OLFM3: variants seen among roughly 807,000 people sequenced by gnomAD.
OLFM3 encodes noelin-3.
OLFM3 carries 20 observed loss-of-function variants against 48.6 expected under a neutral mutation model. That is an observed-to-expected ratio of 0.41 (90% CI 0.29 to 0.60). OLFM3 has a LOEUF of 0.60. Ranked by LOEUF, OLFM3 falls within the 20% of genes least tolerant of loss-of-function variation. OLFM3 has a pLI of 0.28. For synonymous variants in OLFM3, 222 were observed against 198.1 expected, an observed-to-expected ratio of 1.12 and a Z score of -1.01; for missense variants, 437 against 544.3, an observed-to-expected ratio of 0.80 and a Z score of 1.96.
intron 1 of OLFM3, among the ~76,000 whole-genome samples, chr1:101,883,830 A>G (rs1397614347): frequency 6.6e-6 from 1 of 152,018 alleles, no homozygotes; most frequent in Non-Finnish European, 1.5e-5. Context: ...CTTCAGAGTT[A>G]AATACATCCA....
chr1:101,978,763 C>T (rs368036078), intron 1 of OLFM3, among the ~76,000 whole-genome samples: 194 of 152,162 alleles, frequency 1.3e-3, no homozygotes, highest in African/African-American at 4.4e-3. Context: ...GTACTTTATG[C>T]GCTCCTTTCA....
At chr1:101,827,292 C>T (rs927570431) in intron 3 of OLFM3, among the ~76,000 whole-genome samples, 3 of 151,818 alleles carry the variant, frequency 2.0e-5, no homozygotes, top group Admixed American at 6.6e-5. Context: ...ATTCTTGATA[C>T]GATGGAAATT....
intron 1 of OLFM3, among the ~76,000 whole-genome samples, chr1:101,933,902 G>A (rs1201466381): frequency 6.6e-6 from 1 of 152,186 alleles, no homozygotes; most frequent in Non-Finnish European, 1.5e-5. Context: ...ATCCTTTTCA[G>A]ACAAGCAAAT....
intron 5 of OLFM3, among the ~76,000 whole-genome samples, chr1:101,805,307 G>T (rs1293038571): frequency 6.6e-6 from 1 of 151,478 alleles, no homozygotes; most frequent in Non-Finnish European, 1.5e-5. Flanking sequence ...TCTATCCCTT[G>T]CTCTGAAAAA....
chr1:101,877,796 G>A (rs1657360747), intron 1 of OLFM3, among the ~76,000 whole-genome samples: 2 of 151,466 alleles, frequency 1.3e-5, no homozygotes, highest in South Asian at 4.2e-4. Flanking sequence ...GGTCTTTAAT[G>A]AAGCATTTTT....
At chr1:101,934,862 A>T (rs1659562208) in intron 1 of OLFM3, among the ~76,000 whole-genome samples, 1 of 152,194 alleles carries the variant, frequency 6.6e-6, no homozygotes, top group South Asian at 2.1e-4. Context: ...ATATACCCGA[A>T]TGACTTTGGG....
intron 1 of OLFM3, among the ~76,000 whole-genome samples, chr1:101,884,483 C>T (rs568701819): frequency 6.6e-6 from 1 of 150,682 alleles, no homozygotes; most frequent in East Asian, 2.0e-4. Flanking sequence ...TTCTGAAAAA[C>T]AAAAACAAAA....
At chr1:101,911,182 G>A (rs570079185) in intron 1 of OLFM3, among the ~76,000 whole-genome samples, 1 of 152,168 alleles carries the variant, frequency 6.6e-6, no homozygotes, top group East Asian at 1.9e-4. Context: ...ATATCTGGTA[G>A]GGCAAAGGCA....
chr1:101,823,186 G>A (rs1168076194), intron 4 of OLFM3, among the ~76,000 whole-genome samples: 1 of 151,924 alleles, frequency 6.6e-6, no homozygotes, highest in Non-Finnish European at 1.5e-5. Context: ...CATTGTTCTT[G>A]TCCTCGGAAA....
At chr1:101,846,193 G>A (rs542907108) in intron 1 of OLFM3, among the ~76,000 whole-genome samples, 1 of 152,274 alleles carries the variant, frequency 6.6e-6, no homozygotes, top group African/African-American at 2.4e-5. Flanking sequence ...AATTTTAGAT[G>A]AATGAAGATT....
At chr1:101,877,579 A>C (rs564117460) in intron 1 of OLFM3, among the ~76,000 whole-genome samples, 9 of 152,044 alleles carry the variant, frequency 5.9e-5, no homozygotes, top group Admixed American at 3.3e-4. Context: ...ATGTTGCATA[A>C]GAATTTTGGA....
chr1:101,824,972 T>C, intron 4 of OLFM3, 54 bp downstream of exon 4: 1 of 1,470,858 alleles, frequency 6.8e-7, no homozygotes, highest in Admixed American at 1.7e-5. Context: ...GAGCACAATT[T>C]TCTTTGAAAC....
chr1:101,835,131 A>T (rs1038008477), intron 2 of OLFM3, among the ~76,000 whole-genome samples: 1 of 152,244 alleles, frequency 6.6e-6, no homozygotes, highest in South Asian at 2.1e-4. Context: ...ATAGAAAAAA[A>T]GATATTTCTG....
At chr1:101,853,122 G>T (rs563603499) in intron 1 of OLFM3, among the ~76,000 whole-genome samples, 1 of 151,968 alleles carries the variant, frequency 6.6e-6, no homozygotes, top group Non-Finnish European at 1.5e-5. Flanking sequence ...AAAATATTTA[G>T]CTTGCACTAT....
chr1:101,825,017 C>A lies in OLFM3; in HGVS notation c.592+9G>T. The stretch of plus-strand genomic sequence containing the variant: ...ACGTAACTTAGACAAATTAAATTGT[C>A]ATACTCACTTAGCTTTTTCATGCAG... On this transcript the variant is annotated intron_variant, in intron 4 of 5. Coordinates refer to ENST00000370103, the MANE Select transcript of OLFM3 (RefSeq NM_058170.4). 1.2e-6 allele frequency: 2 copies of A among 1,610,936 alleles called. No homozygotes were observed. The highest frequency in any genetic ancestry group is 2.2e-5 in the South Asian group (2 of 90,916).
chr1:101,817,270 AG>A (rs749844065), intron 4 of OLFM3, among the ~76,000 whole-genome samples: 2 of 152,172 alleles, frequency 1.3e-5, no homozygotes, highest in Non-Finnish European at 2.9e-5. Context: ...ATGGCAAAGA[AG>A]GAAGTTAGGA....
Position 101,856,604 on chromosome 1 carries a change from AT to A in OLFM3, c.70-19580del, listed in dbSNP as rs551337830. On this transcript the variant is annotated intron_variant, in intron 1 of 5. Coordinates refer to ENST00000370103, the MANE Select transcript of OLFM3 (RefSeq NM_058170.4). ...AGCTGATTTTTTTCTGCTACTTAAT[AT>A]TTTTTTGTTCTCTCCACATTTTCCA... Among the ~76,000 whole-genome samples, 15 of 152,012 alleles carry A rather than the reference AT, an allele frequency of 9.9e-5. No individual in the cohort carries two copies. In the East Asian group the frequency reaches 1.7e-3, roughly 18 times the overall value.
intron 1 of OLFM3, among the ~76,000 whole-genome samples, chr1:101,842,167 C>T (rs1156905934): frequency 6.6e-6 from 1 of 151,970 alleles, no homozygotes; most frequent in African/African-American, 2.4e-5. Context: ...TGAAGGAAAC[C>T]TCCAGGCTTT....
chr1:101,861,654 G>A (rs1656662394), intron 1 of OLFM3, among the ~76,000 whole-genome samples: 2 of 152,190 alleles, frequency 1.3e-5, no homozygotes, highest in Admixed American at 6.5e-5. Flanking sequence ...GCATGCCTTA[G>A]TTTCTTTTGA....
Sources: allele counts gnomAD v4.1 joint callset (sites outside exome capture counted in the v4.1 genomes callset), GRCh38; gene constraint gnomAD v4.1.1; transcripts MANE v1.5; gene names NCBI Gene and HGNC (gene_info 2026-07-23, HGNC 2026-07-21).